RAB3D: variants seen among roughly 807,000 people sequenced by gnomAD.
RAB3D encodes the protein RAB3D, member RAS oncogene family.
A neutral mutation model predicts 19.3 loss-of-function variants in RAB3D; 17 were observed. The observed-to-expected ratio is 0.88, with a 90% CI of 0.60 to 1.32. The LOEUF is 1.32. Ranked by LOEUF, RAB3D falls within the 40% of genes most tolerant of loss-of-function variation. The pLI is 0.00. For synonymous variants in RAB3D, 103 were observed against 119.9 expected (o/e 0.86, Z 0.92); for missense variants, 223 against 299.1 (o/e 0.75, Z 1.88).
intron 1 of RAB3D, among the ~76,000 whole-genome samples, chr19:11,337,858 A>G (rs921892575): frequency 2.0e-5 from 3 of 151,954 alleles, no homozygotes; most frequent in African/African-American, 7.3e-5. Context: ...TTTTTTGTAG[A>G]GATGGGGTCT....
At position 11,335,509 on chromosome 19, in the gene RAB3D, C is replaced by T; in HGVS notation, c.410G>A (p.Cys137Tyr). Reference sequence around the variant, plus strand: ...CACAACACGTTCGTCCTCCAGGTCACACTTGTTCCCCACCAGGATGACCTG... The same window carrying T: ...CACAACACGTTCGTCCTCCAGGTCATACTTGTTCCCCACCAGGATGACCTG... ...NAQVILVGNKCDLEDERVVPA... is the reference protein window; with the variant it reads ...NAQVILVGNKYDLEDERVVPA... Residue 137 changes from cysteine (C) to tyrosine (Y), a missense_variant, in exon 4 of 5, where the codon TGT becomes TAT. Physicochemically the swap from Cys to Tyr is radical, Grantham distance 194. Coordinates refer to ENST00000222120, the MANE Select transcript of RAB3D (RefSeq NM_004283.4). 5.0e-6 allele frequency: 8 copies of T among 1,614,236 alleles called. No individual in the cohort carries two copies. The highest frequency in any genetic ancestry group is 6.8e-6 in the Non-Finnish European group (8 of 1,180,046).
At chr19:11,329,171 ACCTC>A (rs1211695371) in intron 4 of RAB3D, among the ~76,000 whole-genome samples, 3 of 149,594 alleles carry the variant, frequency 2.0e-5, no homozygotes, top group Non-Finnish European at 3.0e-5. Context: ...CTCTGCCTTG[ACCTC>A]CCAAAGTGCA....
intron 4 of RAB3D, among the ~76,000 whole-genome samples, chr19:11,333,749 A>C (rs1422716173): frequency 6.7e-6 from 1 of 150,060 alleles, no homozygotes; most frequent in African/African-American, 2.5e-5. Flanking sequence ...GCTGGAGTGC[A>C]GTGGCGTGAT....
Position 11,336,176 on chromosome 19 carries a change from G to A in RAB3D, c.229-393C>T, listed in dbSNP as rs977695661. Among the ~76,000 whole-genome samples, 3 of 152,304 alleles carry A rather than the reference G, an allele frequency of 2.0e-5. No homozygotes were observed. In the East Asian group the frequency reaches 5.8e-4, roughly 29 times the overall value. On this transcript the variant is annotated intron_variant, in intron 2 of 4. Coordinates refer to ENST00000222120, the MANE Select transcript of RAB3D (RefSeq NM_004283.4). ...TGCTACCACGATGATTGTTACCAGC[G>A]GCTAAGTTGGGAGAGGGAGCTAGGT...
At chr19:11,338,393 TG>T (rs969327397) in intron 1 of RAB3D, among the ~76,000 whole-genome samples, 18 of 151,892 alleles carry the variant, frequency 1.2e-4, no homozygotes, top group Non-Finnish European at 2.2e-4. Flanking sequence ...TGGGGTGGGG[TG>T]GGGGGAGGAC....
chr19:11,336,547 T>C (rs1046992672), intron 2 of RAB3D, among the ~76,000 whole-genome samples: 1 of 151,918 alleles, frequency 6.6e-6, no homozygotes, highest in South Asian at 2.1e-4. Flanking sequence ...TGGGCTCAAG[T>C]GATGCTCCAC....
chr19:11,327,769 G>C (rs184587481), intron 4 of RAB3D, among the ~76,000 whole-genome samples: 1 of 152,190 alleles, frequency 6.6e-6, no homozygotes, highest in Non-Finnish European at 1.5e-5. Context: ...GCCAAGGCAG[G>C]AGAATCACTT....
chr19:11,329,579 C>A (rs1599357634), intron 4 of RAB3D, among the ~76,000 whole-genome samples: 2 of 151,374 alleles, frequency 1.3e-5, no homozygotes, highest in East Asian at 2.0e-4. Context: ...TGCACTCCAG[C>A]CTGGGCAACA....
intron 4 of RAB3D, among the ~76,000 whole-genome samples, chr19:11,331,655 G>C (rs1451629210): frequency 2.6e-5 from 4 of 151,860 alleles, no homozygotes; most frequent in Non-Finnish European, 4.4e-5. Context: ...AGGCTACAGG[G>C]AGCTTTAAAC....
At chr19:11,330,547 C>T (rs2080831926) in intron 4 of RAB3D, among the ~76,000 whole-genome samples, 1 of 152,024 alleles carries the variant, frequency 6.6e-6, no homozygotes, top group African/African-American at 2.4e-5. Context: ...AGACCTATCT[C>T]TTAAAATTTT....
intron 4 of RAB3D, among the ~76,000 whole-genome samples, chr19:11,330,764 G>A (rs1046841597): frequency 1.3e-5 from 2 of 151,954 alleles, no homozygotes; most frequent in African/African-American, 4.8e-5. Flanking sequence ...GTTGGCCAGG[G>A]TGGTCTCAAG....
At chr19:11,328,844 A>G (rs1415391214) in intron 4 of RAB3D, among the ~76,000 whole-genome samples, 1 of 152,026 alleles carries the variant, frequency 6.6e-6, no homozygotes, top group East Asian at 1.9e-4. Flanking sequence ...AAATGTATGG[A>G]GATAGAGATA....
chr19:11,335,249 C>T (rs999162460), intron 4 of RAB3D, among the ~76,000 whole-genome samples, 198 bp downstream of exon 4: 4 of 152,182 alleles, frequency 2.6e-5, no homozygotes, highest in Non-Finnish European at 5.9e-5. Context: ...GCTGGGTTCC[C>T]AGGGGATAGG....
At chr19:11,334,566 A>C (rs1189723835) in intron 4 of RAB3D, among the ~76,000 whole-genome samples, 1 of 151,944 alleles carries the variant, frequency 6.6e-6, no homozygotes, top group African/African-American at 2.4e-5. Context: ...AGGAGGGAGG[A>C]TCACTTAAGG....
Position 11,335,451 on chromosome 19 carries a change from G to A in RAB3D, c.468C>T (p.Asp156=). 1.9e-6 allele frequency: 3 copies of A among 1,614,134 alleles called. No individual in the cohort carries two copies. Among genetic ancestry groups the A allele is most frequent in the Non-Finnish European group, 1.7e-6 (2 of 1,180,026 alleles). Reference sequence around the variant, plus strand: ...TGGCCCAGGCTGGGCACTAACCAAGGTCGTCGGCGAGCCTCCGGCCATCCT... The same window carrying A: ...TGGCCCAGGCTGGGCACTAACCAAGATCGTCGGCGAGCCTCCGGCCATCCT... ...PAEDGRRLAD[D]LGFEFFEASA... Residue 156 remains aspartate (D), a synonymous_variant, in exon 4 of 5, where the codon GAC becomes GAT. Coordinates refer to ENST00000222120, the MANE Select transcript of RAB3D (RefSeq NM_004283.4).
At chr19:11,336,119 G>A (rs1248002638) in intron 2 of RAB3D, among the ~76,000 whole-genome samples, 3 of 152,088 alleles carry the variant, frequency 2.0e-5, no homozygotes, top group African/African-American at 7.2e-5. Context: ...TGGGCCAGAT[G>A]GTACCATCCT....
chr19:11,339,023 C>T (rs1013591534), intron 1 of RAB3D, among the ~76,000 whole-genome samples: 5 of 152,200 alleles, frequency 3.3e-5, no homozygotes, highest in Non-Finnish European at 7.3e-5. Flanking sequence ...CCATTTTAAA[C>T]CAGGACCCAA....
intron 1 of RAB3D, 62 bp from the exon 2 acceptor site, chr19:11,337,522 T>C (rs1468059650): frequency 3.9e-6 from 3 of 763,492 alleles, no homozygotes; most frequent in Non-Finnish European, 6.7e-6. Context: ...GATTCAAATC[T>C]CAGCTCGGTC....
intron 4 of RAB3D, among the ~76,000 whole-genome samples, chr19:11,329,022 T>C (rs2147967555): frequency 6.6e-6 from 1 of 151,576 alleles, no homozygotes; most frequent in Non-Finnish European, 1.5e-5. Context: ...GCCTTGACTC[T>C]TGGGCCCCCC....
Sources: gnomAD v4.1 joint callset for allele counts (sites outside exome capture counted in the v4.1 genomes callset) on GRCh38, gnomAD v4.1.1 for gene constraint, MANE v1.5 for transcripts, NCBI Gene and HGNC (gene_info 2026-07-23, HGNC 2026-07-21) for gene names.